Variants in PCDHA6 observed in about 807,000 individuals in gnomAD.
The protein encoded by PCDHA6 is protocadherin alpha 6, also known as protocadherin alpha-6.
A neutral mutation model predicts 60.3 loss-of-function variants in PCDHA6; 55 were observed. The observed-to-expected ratio is 0.91, with a 90% CI of 0.73 to 1.14. The LOEUF is 1.14. Ranked by LOEUF, PCDHA6 falls within the 50% of genes most tolerant of loss-of-function variation. PCDHA6 has a pLI of 0.00. For synonymous variants in PCDHA6, 652 were observed against 557.9 expected, an observed-to-expected ratio of 1.17 and a Z score of -2.38; for missense variants, 1,327 against 1,256.5, an observed-to-expected ratio of 1.06 and a Z score of -0.85.
intron 1 of PCDHA6, chr5:140,853,127 C>A: frequency 1.7e-6 from 1 of 580,840 alleles, no homozygotes; most frequent in Non-Finnish European, 2.2e-6. Context: ...GATCCTCCCG[C>A]CTCAGCCTCC....
intron 1 of PCDHA6, chr5:140,883,380 T>C (rs1554177974): frequency 1.2e-6 from 2 of 1,614,176 alleles, no homozygotes; most frequent in Admixed American, 3.3e-5. Context: ...ATTATTGCCC[T>C]AATCAGTGTG....
At chr5:140,917,327 G>T (rs1219338384) in intron 1 of PCDHA6, among the ~76,000 whole-genome samples, 1 of 149,420 alleles carries the variant, frequency 6.7e-6, no homozygotes, top group Non-Finnish European at 1.5e-5. Context: ...CATGTGGCGG[G>T]GGAGGGGGGG....
chr5:140,967,737 A>G, intron 1 of PCDHA6: 1 of 1,614,170 alleles, frequency 6.2e-7, no homozygotes, highest in Non-Finnish European at 8.5e-7. Flanking sequence ...GGGGGGCTGG[A>G]TTATGAGGAA....
chr5:140,851,914 A>C (rs1213624827), intron 1 of PCDHA6: 2 of 969,578 alleles, frequency 2.1e-6, no homozygotes, highest in East Asian at 2.3e-4. Context: ...ATGTCACTAC[A>C]TGTTATGTTT....
In PCDHA6 at chr5:140,840,812, T is replaced by A. The variant is rs147965957; in HGVS notation, c.2394+10327T>A. On this transcript the variant is annotated intron_variant, in intron 1 of 3. Transcript: ENST00000529310. ...CTCACCTCAGAGTAATATATACCAG[T>A]GTTTCTGGTGACCAAATAAATATTA... 9.5e-4 allele frequency among the ~76,000 whole-genome samples: 144 copies of A among 152,170 alleles called. 3 individuals carry two copies. The highest frequency in any genetic ancestry group is 3.3e-3 in the African/African-American group (139 of 41,494).
Position 140,913,476 on chromosome 5 carries a change from T to G in PCDHA6, c.2395-65473T>G, listed in dbSNP as rs191224245. On this transcript the variant is annotated intron_variant, in intron 1 of 3. Transcript: ENST00000529310. ...TTTATTTACTTGGGTCTTCTCTCTT[T>G]TTTTCTTCATTAGTCTGTTTAAAAC... Among the ~76,000 whole-genome samples the G allele has an allele frequency of 5.9e-3, 899 of 152,286 alleles. 12 individuals carry two copies. Among genetic ancestry groups the G allele is most frequent in the African/African-American group, 0.02 (842 of 41,576 alleles).
intron 1 of PCDHA6, chr5:140,882,520 G>C (rs2059167404): frequency 6.2e-7 from 1 of 1,614,218 alleles, no homozygotes; most frequent in Admixed American, 1.7e-5. Context: ...ATGGCATTTT[G>C]TTTGTGAATT....
At chr5:140,956,147 C>T (rs150480657) in intron 1 of PCDHA6, among the ~76,000 whole-genome samples, 5,358 of 152,186 alleles carry the variant, frequency 0.035, 121 homozygotes, top group Non-Finnish European at 0.052. Context: ...ATTTCTTTCT[C>T]TTTCCTAATT....
At chr5:140,953,218 C>T (rs575250415) in intron 1 of PCDHA6, among the ~76,000 whole-genome samples, 2 of 152,272 alleles carry the variant, frequency 1.3e-5, no homozygotes, top group East Asian at 3.9e-4. Flanking sequence ...ATCTTTCTTG[C>T]TTCTGCTTGG....
At chr5:140,857,620 C>G (rs782083775) in intron 1 of PCDHA6, 4 of 1,596,448 alleles carry the variant, frequency 2.5e-6, no homozygotes, top group Non-Finnish European at 3.4e-6. Context: ...CGCTGGACCA[C>G]GAGGAGCTGG....
intron 3 of PCDHA6, among the ~76,000 whole-genome samples, chr5:140,986,019 G>T (rs562523452): frequency 1.3e-5 from 2 of 152,036 alleles, no homozygotes; most frequent in African/African-American, 2.4e-5. Flanking sequence ...GATTACAGGC[G>T]TGAGCCACTG....
At position 140,877,189 on chromosome 5, in the gene PCDHA6, G is replaced by C. The variant is rs370743077; in HGVS notation, c.2394+46704G>C. ...ACTGCTGGCGACTCCGGCTGGCAGC[G>C]CAGGAGGCGCAGTTAGCGAGTTGGT... On this transcript the variant is annotated intron_variant, in intron 1 of 3. Coordinates refer to ENST00000529310, the MANE Select transcript of PCDHA6 (RefSeq NM_018909.4). The C allele has an allele frequency of 5.1e-5, 82 of 1,613,690 alleles. No homozygotes were observed. Among genetic ancestry groups the C allele is most frequent in the Non-Finnish European group, 6.4e-5 (75 of 1,179,826 alleles).
intron 1 of PCDHA6, among the ~76,000 whole-genome samples, chr5:140,891,916 G>T (rs1336108155): frequency 6.6e-6 from 1 of 152,170 alleles, no homozygotes; most frequent in Non-Finnish European, 1.5e-5. Context: ...ACCAGATGCT[G>T]GTGCCTTGAT....
intron 3 of PCDHA6, among the ~76,000 whole-genome samples, chr5:140,992,501 A>G (rs1437736734): frequency 6.6e-6 from 1 of 152,206 alleles, no homozygotes. Context: ...TAAGGATTCA[A>G]TCCTGGGGCA....
In PCDHA6 at chr5:140,828,707, C is replaced by T; in HGVS notation, c.616C>T (p.Pro206Ser). 1 of 1,614,222 alleles carries T rather than the reference C, an allele frequency of 6.2e-7. No homozygotes were observed. Among genetic ancestry groups the T allele is most frequent in the South Asian group, 1.1e-5 (1 of 91,090 alleles). Residue 206 changes from proline to serine, a missense_variant, in exon 1 of 4, where the codon CCT (proline) becomes TCT (serine). Pro to Ser is a moderately conservative substitution (Grantham distance 74). Transcript: ENST00000529310. Reference protein sequence around the residue: ...LKKSLDREEAPAHNLFLTATD... With the variant: ...LKKSLDREEASAHNLFLTATD... ...GAAATCCTTGGACAGAGAGGAAGCTCCTGCACACAACTTATTCCTGACAGC... is the reference window on the plus strand; with the variant it reads ...GAAATCCTTGGACAGAGAGGAAGCTTCTGCACACAACTTATTCCTGACAGC...
intron 1 of PCDHA6, among the ~76,000 whole-genome samples, chr5:140,950,852 A>G (rs1172997648): frequency 6.6e-6 from 1 of 151,856 alleles, no homozygotes; most frequent in Non-Finnish European, 1.5e-5. Flanking sequence ...CATTTCTTTC[A>G]TATTCTTGTA....
chr5:140,969,354 T>G, intron 1 of PCDHA6: 1 of 1,612,552 alleles, frequency 6.2e-7, no homozygotes. Context: ...TCAGGGGGTC[T>G]TCTACAAACT....
rs2150157115 is a variant in PCDHA6, at chr5:140,828,583, A to G, written c.492A>G (p.Ser164=). 8.7e-6 allele frequency: 14 copies of G among 1,614,126 alleles called. No individual in the cohort carries two copies. In the Admixed American group the frequency reaches 2.3e-4, roughly 27 times the overall value. ...GCGCGTCCGATGCAGATGTTGGCTC[A>G]AATTCCATCTTAACCTATAAACTCA... ...LEGASDADVG[S]NSILTYKLSS... The change falls in exon 1 of 4, where the codon TCA becomes TCG. Residue 164 remains serine (S), a synonymous_variant. Transcript: ENST00000529310.
chr5:140,972,958 G>C (rs918792607), intron 1 of PCDHA6, among the ~76,000 whole-genome samples: 1 of 152,038 alleles, frequency 6.6e-6, no homozygotes, highest in African/African-American at 2.4e-5. Context: ...CACCATGCCC[G>C]GCAAAGGAAA....
Sources: allele counts gnomAD v4.1 joint callset (sites outside exome capture counted in the v4.1 genomes callset), GRCh38; gene constraint gnomAD v4.1.1; transcripts MANE v1.5; gene names NCBI Gene and HGNC (gene_info 2026-07-23, HGNC 2026-07-21).